Variants in USP28 observed in about 807,000 individuals in gnomAD.
USP28 encodes ubiquitin carboxyl-terminal hydrolase 28.
Under a neutral mutation model 145.0 loss-of-function variants are expected in USP28, and 113 were observed. The ratio of observed to expected loss-of-function variants is 0.78; its 90% CI spans 0.67 to 0.91. USP28 has a LOEUF of 0.91. USP28 is among the 40% of genes least tolerant of loss of function. The probability of loss-of-function intolerance (pLI) is 0.00; values close to 1 mark genes in which losing one functional copy is unlikely to be tolerated. For missense variants in USP28, 1,201 were observed against 1,289.6 expected (o/e 0.93, Z 1.05); for synonymous variants, 447 against 450.9 (o/e 0.99, Z 0.11).
chr11:113,841,171 C>T (rs1162811134), intron 4 of USP28, among the ~76,000 whole-genome samples: 1 of 152,176 alleles, frequency 6.6e-6, no homozygotes, highest in Admixed American at 6.5e-5. Context: ...AAATAAACAT[C>T]TCAGCAGTGT....
chr11:113,815,941 C>T (rs1040493454), intron 13 of USP28, among the ~76,000 whole-genome samples: 1 of 152,196 alleles, frequency 6.6e-6, no homozygotes, highest in Non-Finnish European at 1.5e-5. Flanking sequence ...GAGAGAAGGG[C>T]TTCAAGTCAA....
intron 1 of USP28, among the ~76,000 whole-genome samples, chr11:113,857,951 G>A (rs1173493221): frequency 2.6e-5 from 4 of 151,776 alleles, no homozygotes; most frequent in Admixed American, 6.6e-5. Context: ...CTGCAGCCTC[G>A]GCATCCCAGG....
chr11:113,848,849 T>C (rs958627152), intron 3 of USP28, among the ~76,000 whole-genome samples: 2 of 152,144 alleles, frequency 1.3e-5, no homozygotes, highest in Non-Finnish European at 2.9e-5. Context: ...GAAGCTGAAG[T>C]GCTGGTAGGG....
Position 113,863,802 on chromosome 11 carries a change from G to A in USP28, c.58-9467C>T, listed in dbSNP as rs534285686. 2.8e-4 allele frequency among the ~76,000 whole-genome samples: 42 copies of A among 151,452 alleles called. 1 individual carries two copies. The highest frequency in any genetic ancestry group is 1.0e-3 in the South Asian group (5 of 4,780). ...CTACTAAAAATACAAAAAATTAGCC[G>A]GGCATGGTGGCCGGCGCCTGTAGTC... On this transcript the variant is annotated intron_variant, in intron 1 of 24. Coordinates refer to ENST00000003302, the Ensembl canonical transcript of USP28.
chr11:113,833,119 G>C (rs966741074), intron 7 of USP28, among the ~76,000 whole-genome samples: 1 of 152,180 alleles, frequency 6.6e-6, no homozygotes, highest in African/African-American at 2.4e-5. Flanking sequence ...ACAGCTCATT[G>C]AGGTATTTTC....
At chr11:113,801,706 G>C in intron 23 of USP28, 28 bp from the exon 25 acceptor site, 2 of 1,526,812 alleles carry the variant, frequency 1.3e-6, no homozygotes, top group South Asian at 2.5e-5. Context: ...AATTAGGTGG[G>C]GAAGAGTCTG....
At position 113,803,890 on chromosome 11, in the gene USP28, G is replaced by A. The variant is rs1333578820; in HGVS notation, c.2659-13C>T. 1 of 1,606,570 alleles carries A rather than the reference G, an allele frequency of 6.2e-7. No homozygotes were observed. Among genetic ancestry groups the A allele is most frequent in the Admixed American group, 1.7e-5 (1 of 59,816 alleles). ...CTTCATGCCACTTCTGAAAAAGAAT[G>A]ACGATTATTAATAATCATGATCATA... On this transcript the variant is annotated splice_polypyrimidine_tract_variant and intron_variant, in intron 21 of 24. Transcript: ENST00000003302.
chr11:113,812,463 T>C (rs112882299), exon 16 of USP28: 75 of 1,613,990 alleles, frequency 4.6e-5, no homozygotes, highest in Non-Finnish European at 6.2e-5. Context: ...CAGCATTTGC[T>C]TGTCCTTCAT....
intron 15 of USP28, among the ~76,000 whole-genome samples, chr11:113,813,425 T>C (rs1402564178): frequency 1.3e-5 from 2 of 152,226 alleles, no homozygotes; most frequent in African/African-American, 4.8e-5. Flanking sequence ...CAAACACTTC[T>C]GTGGATAGTT....
At chr11:113,830,632 A>G (rs1015652336) in intron 9 of USP28, among the ~76,000 whole-genome samples, 1 of 152,200 alleles carries the variant, frequency 6.6e-6, no homozygotes, top group Non-Finnish European at 1.5e-5. Flanking sequence ...CTGTGCAAGT[A>G]TTAATATGAC....
At chr11:113,803,679 C>T (rs1939445533) in intron 22 of USP28, 119 bp downstream of exon 23, 3 of 756,850 alleles carry the variant, frequency 4.0e-6, no homozygotes, top group Middle Eastern at 2.4e-4. Flanking sequence ...AGAAGAGGCA[C>T]ACTAGTGTAT....
chr11:113,859,050 T>C (rs1947366169), intron 1 of USP28, among the ~76,000 whole-genome samples: 1 of 152,192 alleles, frequency 6.6e-6, no homozygotes, highest in Admixed American at 6.5e-5. Context: ...CTTTAATTTT[T>C]TTTTCTTTTT....
intron 1 of USP28, among the ~76,000 whole-genome samples, chr11:113,866,552 T>C (rs952574130): frequency 2.0e-5 from 3 of 152,238 alleles, no homozygotes; most frequent in Non-Finnish European, 4.4e-5. Context: ...CACTTAACAT[T>C]AGCCATAACA....
chr11:113,865,633 T>A lies in USP28; in HGVS notation c.57+9812A>T, dbSNP rs1948180023. ...CTTCAACAAATGGTATTGGTACAAC[T>A]GGATATCCACAGCAGAAGAATCACA... On this transcript the variant is annotated intron_variant, in intron 1 of 24. Transcript: ENST00000003302. Among the ~76,000 whole-genome samples the A allele has an allele frequency of 2.6e-5, 4 of 152,166 alleles. 1 individual carries two copies. The highest frequency in any genetic ancestry group is 2.6e-4 in the Admixed American group (4 of 15,274).
intron 14 of USP28, 139 bp from the exon 15 acceptor site, chr11:113,814,094 G>A (rs187346012): frequency 4.1e-4 from 242 of 590,974 alleles, no homozygotes; most frequent in Non-Finnish European, 6.0e-4. Flanking sequence ...GCAATATACA[G>A]TTTTAAAGCA....
At chr11:113,812,359 T>G (rs1941127235) in exon 16 of USP28, 19 of 1,614,146 alleles carry the variant, frequency 1.2e-5, no homozygotes, top group Non-Finnish European at 1.5e-5. Flanking sequence ...GGAATCTCTT[T>G]CAACTTCTTC....
exon 25 of USP28, chr11:113,799,338 G>A: frequency 6.2e-7 from 1 of 1,614,194 alleles, no homozygotes; most frequent in Non-Finnish European, 8.5e-7. Flanking sequence ...ATAGTTGGAG[G>A]CTCTTTCAAG....
intron 3 of USP28, 36 bp from the exon 4 acceptor site, chr11:113,841,804 T>C (rs7112957): frequency 0.17 from 246,732 of 1,410,620 alleles, 21,829 homozygotes; most frequent in Middle Eastern, 0.19. Context: ...AGTCTATATA[T>C]AGGAAACACT....
At chr11:113,863,735 G>A (rs1237590776) in intron 1 of USP28, among the ~76,000 whole-genome samples, 1 of 150,052 alleles carries the variant, frequency 6.7e-6, no homozygotes, top group Non-Finnish European at 1.5e-5. Flanking sequence ...CACAAGGTCA[G>A]GAGATCGAGA....
Sources: allele counts gnomAD v4.1 joint callset (sites outside exome capture counted in the v4.1 genomes callset), GRCh38; gene constraint gnomAD v4.1.1; transcripts MANE v1.5; gene names NCBI Gene and HGNC (gene_info 2026-07-23, HGNC 2026-07-21).